PALB2: variants seen among roughly 807,000 people sequenced by gnomAD.
The protein encoded by PALB2 is mutant partner and localizer of BRCA2.
In PALB2, 82 loss-of-function variants were observed where a neutral mutation model predicts 107.4. The observed-to-expected ratio is 0.76, with a 90% CI of 0.64 to 0.92. PALB2 has a LOEUF of 0.92. PALB2 is among the 40% of genes least tolerant of loss of function. The pLI, the probability that PALB2 is intolerant of heterozygous loss-of-function variation, is 0.00. For synonymous variants in PALB2, 489 were observed against 496.8 expected, an observed-to-expected ratio of 0.98 and a Z score of 0.21; for missense variants, 1,374 against 1,379.9, an observed-to-expected ratio of 1.00 and a Z score of 0.07.
chr16:23,624,004 C>T lies in PALB2; in HGVS notation c.2834+5G>A, dbSNP rs570455216. ...AAAACAAATCACTCCTTGGGAATTA[C>T]ATACCTGATCTCTCTGATTTCCAAA... On this transcript the variant is annotated splice_donor_5th_base_variant and intron_variant, in intron 8 of 12. Transcript: ENST00000261584. 1.9e-6 allele frequency: 3 copies of T among 1,565,580 alleles called. No individual in the cohort carries two copies. Among genetic ancestry groups the T allele is most frequent in the East Asian group, 4.5e-5 (2 of 44,576 alleles).
intron 6 of PALB2, among the ~76,000 whole-genome samples, chr16:23,626,746 C>T (rs1158509214): frequency 3.3e-5 from 5 of 151,962 alleles, no homozygotes; most frequent in Admixed American, 6.6e-5. Context: ...CTCAGCCTTC[C>T]GAGTAGCTAG....
chr16:23,609,775 C>CA (rs1398257478), intron 11 of PALB2, among the ~76,000 whole-genome samples: 1 of 152,196 alleles, frequency 6.6e-6, no homozygotes, highest in Non-Finnish European at 1.5e-5. Flanking sequence ...CTTAGCCTCC[C>CA]AAAGTGCTGG....
Position 23,607,857 on chromosome 16 carries a change from C to CACTT in PALB2, c.3350+3_3350+6dup. Reference sequence around the variant, plus strand: ...CCACCCATAGAGTAGCAGTTATGCACACTTGCCTGCCAGCCTGCCCTGGAG... The same window carrying CACTT: ...CCACCCATAGAGTAGCAGTTATGCACACTTACTTGCCTGCCAGCCTGCCCTGGAG... On this transcript the variant is annotated splice_region_variant and intron_variant, in intron 12 of 12. Transcript: ENST00000261584. The CACTT allele has an allele frequency of 6.2e-7, 1 of 1,613,724 alleles. No individual in the cohort carries two copies. The highest frequency in any genetic ancestry group is 8.5e-7 in the Non-Finnish European group (1 of 1,179,918).
intron 12 of PALB2, among the ~76,000 whole-genome samples, chr16:23,606,722 A>G (rs1184028510): frequency 1.3e-5 from 2 of 149,900 alleles, no homozygotes; most frequent in African/African-American, 5.0e-5. Context: ...ACGGGGTTTC[A>G]CCGTGTTGGT....
At position 23,626,423 on chromosome 16, in the gene PALB2, A is replaced by G. The variant is rs148712126; in HGVS notation, c.2587-26T>C. The G allele has an allele frequency of 4.1e-5, 66 of 1,614,030 alleles. No homozygotes were observed. In the East Asian group the frequency reaches 1.4e-3, roughly 35 times the overall value. ...CTGACACAATGGCAACAGTTCTGTTAAAGTGGCACTCGAGTGCTGTTTTAT... is the reference window on the plus strand; with the variant it reads ...CTGACACAATGGCAACAGTTCTGTTGAAGTGGCACTCGAGTGCTGTTTTAT... On this transcript the variant is annotated intron_variant, in intron 6 of 12. Transcript: ENST00000261584.
intron 11 of PALB2, among the ~76,000 whole-genome samples, chr16:23,612,979 C>T (rs1263017325): frequency 4.0e-5 from 6 of 150,842 alleles, no homozygotes; most frequent in African/African-American, 1.5e-4. Context: ...TCTCAAACTC[C>T]TTACCTCAGG....
chr16:23,608,852 G>A (rs1447039907), intron 11 of PALB2, among the ~76,000 whole-genome samples: 1 of 123,962 alleles, frequency 8.1e-6, no homozygotes, highest in African/African-American at 3.5e-5. Context: ...TTTTTGAGAC[G>A]GAGTTTCGCT....
In PALB2 at chr16:23,618,362, G is replaced by A. The variant is rs117481141; in HGVS notation, c.3113+3000C>T. On this transcript the variant is annotated intron_variant, in intron 10 of 12. Transcript: ENST00000261584. ...AATTCCTTTGTGACCTCTTATATAC[G>A]AAATGCCAAAGGACTACTTATAGAA... 2.6e-4 allele frequency among the ~76,000 whole-genome samples: 39 copies of A among 152,154 alleles called. No individual in the cohort carries two copies. In the East Asian group the frequency reaches 3.7e-3, roughly 14 times the overall value.
intron 10 of PALB2, among the ~76,000 whole-genome samples, chr16:23,619,069 A>G (rs879728724): frequency 2.3e-4 from 35 of 152,288 alleles, no homozygotes; most frequent in Non-Finnish European, 4.6e-4. Context: ...AGAAAACAAA[A>G]AAAGGTTAGG....
At chr16:23,618,549 A>G (rs1450331299) in intron 10 of PALB2, among the ~76,000 whole-genome samples, 1 of 152,054 alleles carries the variant, frequency 6.6e-6, no homozygotes, top group Admixed American at 6.6e-5. Context: ...GTAGAGTTGA[A>G]GAAAGAGTAT....
chr16:23,629,062 A>G, intron 6 of PALB2, 142 bp downstream of exon 6: 1 of 730,820 alleles, frequency 1.4e-6, no homozygotes, highest in Non-Finnish European at 2.4e-6. Context: ...AAAATAACCA[A>G]TCCAAATCTG....
chr16:23,622,247 A>T (rs2142331168), intron 9 of PALB2, among the ~76,000 whole-genome samples: 1 of 152,356 alleles, frequency 6.6e-6, no homozygotes, highest in East Asian at 1.9e-4. Flanking sequence ...GCAGGTCTAG[A>T]GCTCAAGAAA....
intron 9 of PALB2, 127 bp from the exon 10 acceptor site, chr16:23,621,605 A>G (rs1966775363): frequency 1.5e-6 from 1 of 684,620 alleles, no homozygotes. Flanking sequence ...TCTAACCCAG[A>G]AAACGTGTAT....
In PALB2 at chr16:23,640,677, C is replaced by T. The variant is rs1170051749; in HGVS notation, c.48+433G>A. ...AGATCATACCATTTATGAACATTCC[C>T]TTCTCCAAAAAATATACATAGGATT... On this transcript the variant is annotated intron_variant, in intron 1 of 12. Coordinates refer to ENST00000261584, the MANE Select transcript of PALB2 (RefSeq NM_024675.4). The T allele has an allele frequency of 4.0e-5, 10 of 251,264 alleles. No homozygotes were observed. In the Admixed American group the frequency reaches 4.0e-4, roughly 10 times the overall value. The allele number at this position is 251,264 out of a possible 1,614,324, so 15.6% of individuals were successfully genotyped here.
At chr16:23,626,543 GT>G in intron 6 of PALB2, 146 bp from the exon 7 acceptor site, 1 of 860,950 alleles carries the variant, frequency 1.2e-6, no homozygotes, top group Non-Finnish European at 1.8e-6. Context: ...AAAGAGCTTT[GT>G]GGTTCTTATG....
At position 23,638,204 on chromosome 16, in the gene PALB2, C is replaced by T. The variant is rs959085284; in HGVS notation, c.49-75G>A. ...CAGAGGGAAGGGATGCAGTGCTTGG[C>T]GGGGTCCCTTGGCAAGAGGCAGGGA... On this transcript the variant is annotated intron_variant, in intron 1 of 12. Transcript: ENST00000261584. 13 of 1,253,222 alleles carry T rather than the reference C, an allele frequency of 1.0e-5. No homozygotes were observed. The highest frequency in any genetic ancestry group is 4.4e-5 in the African/African-American group (3 of 67,796). The allele number at this position is 1,253,222 out of a possible 1,614,324, so 77.6% of individuals were successfully genotyped here.
chr16:23,615,159 G>A (rs1023062703), intron 10 of PALB2, among the ~76,000 whole-genome samples: 2 of 150,570 alleles, frequency 1.3e-5, no homozygotes, highest in African/African-American at 4.9e-5. Context: ...AGGTTGGCCA[G>A]GCTGGTCTTG....
In PALB2 at chr16:23,629,776, C is replaced by A. The variant is rs768398493; in HGVS notation, c.2378G>T (p.Gly793Val). 6.2e-7 allele frequency: 1 copy of A among 1,614,184 alleles called. No homozygotes were observed. Among genetic ancestry groups the A allele is most frequent in the Admixed American group, 1.7e-5 (1 of 60,006 alleles). The change falls in exon 5 of 13, where the codon GGC (glycine) becomes GTC (valine). Residue 793 changes from glycine to valine, a missense_variant. By Grantham distance (109) the Gly-to-Val change is moderately radical. Coordinates refer to ENST00000261584, the MANE Select transcript of PALB2 (RefSeq NM_024675.4). ...GTCACAGGTAGGTTGTCCTTGCCTG[C>A]CTGACACTTGCAGGGTGGTATGTGG... Reference protein sequence around the residue: ...AKPHTTLQVSGRQGQPTCDCD... With the variant: ...AKPHTTLQVSVRQGQPTCDCD...
rs1360244478 is a variant in PALB2, at chr16:23,623,163, T to C, written c.2835-33A>G. ...AAATATAAGGAAAAATGGGGTGATGTGAGGAGTAACCTTTTAATATTAAAG... is the reference window on the plus strand; with the variant it reads ...AAATATAAGGAAAAATGGGGTGATGCGAGGAGTAACCTTTTAATATTAAAG... On this transcript the variant is annotated intron_variant, in intron 8 of 12. Transcript: ENST00000261584. The C allele has an allele frequency of 3.8e-6, 6 of 1,588,866 alleles. 1 individual carries two copies. In the South Asian group the frequency reaches 5.5e-5, roughly 15 times the overall value.
Sources: gnomAD v4.1 joint callset for allele counts (sites outside exome capture counted in the v4.1 genomes callset) on GRCh38, gnomAD v4.1.1 for gene constraint, MANE v1.5 for transcripts, NCBI Gene and HGNC (gene_info 2026-07-23, HGNC 2026-07-21) for gene names.